Variants in UPP2 observed in about 807,000 individuals in gnomAD.
UPP2 encodes the protein uridine phosphorylase 2.
In UPP2, 23 loss-of-function variants were observed where a neutral mutation model predicts 26.7. That is an observed-to-expected ratio of 0.86 (90% CI 0.62 to 1.22). The LOEUF (loss-of-function observed/expected upper bound fraction) is 1.22, where lower values mean the gene tolerates loss of function less well. UPP2 is among the 50% of genes most tolerant of loss of function. UPP2 has a pLI of 0.00. For missense variants in UPP2, 387 were observed against 396.7 expected (o/e 0.98, Z 0.21); for synonymous variants, 127 against 141.3 (o/e 0.90, Z 0.72).
In UPP2 at chr2:158,031,344, C is replaced by T. The variant is rs79257214; in HGVS notation, c.147+15458C>T. Among the ~76,000 whole-genome samples, 313 of 152,296 alleles carry T rather than the reference C, an allele frequency of 2.1e-3. 3 individuals carry two copies. Among genetic ancestry groups the T allele is most frequent in the African/African-American group, 7.0e-3 (291 of 41,550 alleles). On this transcript the variant is annotated intron_variant, in intron 3 of 9. Coordinates refer to the UPP2 transcript ENST00000605860. ...CTAAAGCATAATCTGGCCTCCCAAGCCCTAAACCTACGTAAGGCATTGCTT... is the reference window on the plus strand; with the variant it reads ...CTAAAGCATAATCTGGCCTCCCAAGTCCTAAACCTACGTAAGGCATTGCTT...
chr2:158,065,562 T>C (rs2105182209), intron 3 of UPP2: 2 of 537,802 alleles, frequency 3.7e-6, no homozygotes, highest in Non-Finnish European at 7.3e-6. Flanking sequence ...AAATGAACTG[T>C]CCAGCTCCTG....
At chr2:158,012,753 A>G (rs1468354885) in intron 2 of UPP2, among the ~76,000 whole-genome samples, 2 of 152,204 alleles carry the variant, frequency 1.3e-5, no homozygotes, top group East Asian at 1.9e-4. Context: ...AGAAGAAAAT[A>G]TAATTTATGA....
chr2:158,065,965 T>C, intron 3 of UPP2: 1 of 442,148 alleles, frequency 2.3e-6, no homozygotes, highest in Non-Finnish European at 4.2e-6. Flanking sequence ...TATGGAGCTT[T>C]TAACAGCAAG....
At chr2:158,111,207 C>G (rs1488645787) in intron 2 of UPP2, among the ~76,000 whole-genome samples, 1 of 152,154 alleles carries the variant, frequency 6.6e-6, no homozygotes, top group African/African-American at 2.4e-5. Context: ...GAGGTGAAGT[C>G]TCAAACTATG....
intron 1 of UPP2, among the ~76,000 whole-genome samples, chr2:158,104,981 A>G (rs13001633): frequency 0.17 from 3,068 of 17,602 alleles, 69 homozygotes; most frequent in South Asian, 0.25. Flanking sequence ...GGAAGGGAAG[A>G]GAAGGGAAGG....
intron 3 of UPP2, among the ~76,000 whole-genome samples, chr2:158,090,251 C>T (rs559681368): frequency 1.2e-4 from 19 of 152,240 alleles, no homozygotes; most frequent in African/African-American, 4.3e-4. Flanking sequence ...TCCTGTAATC[C>T]CAGCACTTTG....
intron 3 of UPP2, among the ~76,000 whole-genome samples, chr2:158,117,262 A>G (rs1436611888): frequency 1.3e-5 from 2 of 151,990 alleles, no homozygotes; most frequent in African/African-American, 4.8e-5. Flanking sequence ...GTCATCATCT[A>G]TAGTAATTTA....
rs375116508 is a variant in UPP2 at position 158,117,890 on chromosome 2, CG to C, written c.408del (p.Cys137AlafsTer15). 2 of 1,613,082 alleles carry C rather than the reference CG, an allele frequency of 1.2e-6. No individual in the cohort carries two copies. Among genetic ancestry groups the C allele is most frequent in the African/African-American group, 2.7e-5 (2 of 74,878 alleles). ...ACTCATCAAATTACTCCACCATGCA[CG>C]GTGCTGCGATGTCACCATTATTAGA... ...HELIKLLHHA[R>X]CCDVTIIRIG... On this transcript the variant is annotated frameshift_variant, in exon 4 of 7. Coordinates refer to ENST00000005756, the MANE Select transcript of UPP2 (RefSeq NM_173355.4). LOFTEE classifies it high-confidence loss of function.
intron 3 of UPP2, among the ~76,000 whole-genome samples, chr2:158,077,002 C>A (rs1682640745): frequency 1.3e-5 from 2 of 152,044 alleles, no homozygotes; most frequent in African/African-American, 4.8e-5. Flanking sequence ...ATACGAAAAT[C>A]AGTAGCATTT....
chr2:158,079,230 C>T (rs186593802), intron 3 of UPP2, among the ~76,000 whole-genome samples: 22 of 152,120 alleles, frequency 1.4e-4, no homozygotes, highest in African/African-American at 4.8e-4. Context: ...AGCATGAGAA[C>T]GGACTAACAC....
At chr2:158,117,665 G>A (rs1683469520) in intron 3 of UPP2, among the ~76,000 whole-genome samples, 159 bp from the exon 4 acceptor site, 1 of 151,938 alleles carries the variant, frequency 6.6e-6, no homozygotes, top group East Asian at 1.9e-4. Flanking sequence ...TCATGTAGGT[G>A]CCAATTAGGG....
At chr2:157,995,696 GCATTTTTTTCA>G (rs1683314458) in intron 2 of UPP2, among the ~76,000 whole-genome samples, 1 of 151,938 alleles carries the variant, frequency 6.6e-6, no homozygotes, top group South Asian at 2.1e-4. Context: ...AAGTCTTTCT[GCATTTTTTTCA>G]CAGGCACATA....
intron 3 of UPP2, among the ~76,000 whole-genome samples, chr2:158,050,066 A>G (rs981728): frequency 6.6e-6 from 1 of 151,898 alleles, no homozygotes; most frequent in African/African-American, 2.4e-5. Flanking sequence ...ACCTTTTGTT[A>G]GTTCTCAAAA....
At chr2:158,080,812 G>T (rs929161444) in intron 3 of UPP2, among the ~76,000 whole-genome samples, 3 of 152,156 alleles carry the variant, frequency 2.0e-5, no homozygotes, top group Admixed American at 2.0e-4. Flanking sequence ...GGGAGGATTA[G>T]AATTAGTGTG....
intron 6 of UPP2, among the ~76,000 whole-genome samples, chr2:158,129,445 C>T (rs1683763640): frequency 1.3e-5 from 2 of 152,142 alleles, no homozygotes; most frequent in East Asian, 1.9e-4. Context: ...TGCAAGAAGC[C>T]TTTGAGATCT....
At chr2:158,062,003 T>C (rs959117328) in intron 3 of UPP2, among the ~76,000 whole-genome samples, 19 of 152,246 alleles carry the variant, frequency 1.2e-4, no homozygotes, top group African/African-American at 4.3e-4. Flanking sequence ...TAAAGTTTTA[T>C]TGGAACACGG....
At chr2:158,040,152 G>A (rs1188748755) in intron 3 of UPP2, among the ~76,000 whole-genome samples, 1 of 152,130 alleles carries the variant, frequency 6.6e-6, no homozygotes, top group East Asian at 1.9e-4. Context: ...CCTTTTGCAG[G>A]GAGGAGAAAT....
intron 2 of UPP2, among the ~76,000 whole-genome samples, chr2:158,007,633 T>C (rs964945142): frequency 1.3e-5 from 2 of 151,708 alleles, no homozygotes; most frequent in East Asian, 1.9e-4. Flanking sequence ...CTCTCTCTTT[T>C]TTTTTTTTTT....
intron 3 of UPP2, among the ~76,000 whole-genome samples, chr2:158,089,942 A>AAGT (rs1305063712): frequency 2.6e-5 from 4 of 151,972 alleles, no homozygotes; most frequent in Non-Finnish European, 5.9e-5. Context: ...CTTGAAGCAA[A>AAGT]AGTTCATGAT....
Sources: gnomAD v4.1 joint callset for allele counts (sites outside exome capture counted in the v4.1 genomes callset) on GRCh38, gnomAD v4.1.1 for gene constraint, MANE v1.5 for transcripts, NCBI Gene and HGNC (gene_info 2026-07-23, HGNC 2026-07-21) for gene names.